The following IL1RAPL1 variants were observed in gnomAD, a reference collection of about 807,000 sequenced individuals.
The protein encoded by IL1RAPL1 is interleukin-1 receptor accessory protein-like 1.
IL1RAPL1 carries 3 observed loss-of-function variants against 48.4 expected under a neutral mutation model. The observed-to-expected ratio is 0.06, with a 90% CI of 0.03 to 0.16. The LOEUF (loss-of-function observed/expected upper bound fraction) is 0.16. IL1RAPL1 is among the 10% of genes least tolerant of loss of function. IL1RAPL1 has a pLI of 1.00. For missense variants in IL1RAPL1, 349 were observed against 530.6 expected, an observed-to-expected ratio of 0.66 and a Z score of 3.36; for synonymous variants, 185 against 187.7, an observed-to-expected ratio of 0.99 and a Z score of 0.12.
chrX:28,719,987 A>G (rs1485889736), intron 1 of IL1RAPL1, among the ~76,000 whole-genome samples: 1 of 110,925 alleles, frequency 9.0e-6, no homozygotes, highest in Non-Finnish European at 1.9e-5. Context: ...TAGTGACTAT[A>G]TTCTACTTGG....
chrX:28,895,635 C>T (rs766288775), intron 2 of IL1RAPL1, among the ~76,000 whole-genome samples: 2 of 110,832 alleles, frequency 1.8e-5, no homozygotes, highest in Non-Finnish European at 3.8e-5. Flanking sequence ...TAAGTTGGCA[C>T]CAGAGTTGGG....
chrX:29,844,281 T>C (rs1931198411), intron 6 of IL1RAPL1, among the ~76,000 whole-genome samples: 1 of 111,935 alleles, frequency 8.9e-6, no homozygotes, highest in Admixed American at 9.5e-5. Flanking sequence ...TAAATTAATA[T>C]TGGATATGTC....
At chrX:29,506,444 C>CCTCCTCCTT (rs1209290761) in intron 5 of IL1RAPL1, among the ~76,000 whole-genome samples, 1 of 106,618 alleles carries the variant, frequency 9.4e-6, no homozygotes, top group African/African-American at 3.5e-5. Flanking sequence ...TCCTTCTCCT[C>CCTCCTCCTT]CTCCTCCTCC....
At chrX:29,954,235 C>CAAAAAAAAAAAAAAAAAAA in intron 9 of IL1RAPL1, among the ~76,000 whole-genome samples, 1 of 30,422 alleles carries the variant, frequency 3.3e-5, no homozygotes, top group Non-Finnish European at 5.3e-5. Flanking sequence ...GACTGTGTCC[C>CAAAAAAAAAAAAAAAAAAA]AAAAAAAAAA....
At chrX:28,986,307 G>A (rs762442752) in intron 2 of IL1RAPL1, among the ~76,000 whole-genome samples, 4 of 111,890 alleles carry the variant, frequency 3.6e-5, no homozygotes, top group Non-Finnish European at 7.5e-5. Context: ...TTCCCATTAA[G>A]AATTTATTTA....
intron 6 of IL1RAPL1, among the ~76,000 whole-genome samples, chrX:29,868,102 T>C (rs919900137): frequency 4.5e-5 from 5 of 112,235 alleles, no homozygotes; most frequent in African/African-American, 1.6e-4. Context: ...AGTGACCTAC[T>C]GTTTTTCTTT....
At chrX:29,925,096 T>C (rs954798288) in intron 8 of IL1RAPL1, among the ~76,000 whole-genome samples, 45 of 111,436 alleles carry the variant, frequency 4.0e-4, no homozygotes, top group Admixed American at 3.6e-3. Context: ...TGCAAACTTC[T>C]TTTGGGGCTG....
intron 1 of IL1RAPL1, among the ~76,000 whole-genome samples, chrX:28,781,640 A>G (rs1234564870): frequency 9.0e-6 from 1 of 110,773 alleles, no homozygotes; most frequent in Non-Finnish European, 1.9e-5. Flanking sequence ...GATATCTACC[A>G]TATTTATAGG....
chrX:29,620,056 G>A lies in IL1RAPL1; in HGVS notation c.704-48374G>A, dbSNP rs1430481280. Among the ~76,000 whole-genome samples, 5 of 111,497 alleles carry A rather than the reference G, an allele frequency of 4.5e-5. No individual in the cohort carries two copies. The Admixed American group carries it at 4.8e-4, about 11-fold the overall frequency. On this transcript the variant is annotated intron_variant, in intron 5 of 10. Coordinates refer to ENST00000378993, the MANE Select transcript of IL1RAPL1 (RefSeq NM_014271.4). ...GTGGAAGTTTTGAAACCCTATCTTT[G>A]TGGAACAACAAAAAATTAAATGTAA...
Position 28,789,361 on chromosome X carries a change from A to T in IL1RAPL1, c.18A>T (p.Pro6=). The T allele has an allele frequency of 8.3e-7, 1 of 1,209,773 alleles. No individual in the cohort carries two copies. The highest frequency in any genetic ancestry group is 1.1e-6 in the Non-Finnish European group (1 of 893,606). ...GCTGGAAGATGAAAGCTCCGATTCC[A>T]CACTTGATTCTCTTATACGCTACTT... MKAPI[P]HLILLYATFT... is the part of the protein sequence containing the mutation. Residue 6 remains proline (P), a synonymous_variant, in exon 2 of 11, where the codon CCA becomes CCT. Transcript: ENST00000378993.
At chrX:29,812,407 T>A (rs1157226904) in intron 6 of IL1RAPL1, among the ~76,000 whole-genome samples, 1 of 111,855 alleles carries the variant, frequency 8.9e-6, no homozygotes, top group Non-Finnish European at 1.9e-5. Flanking sequence ...TCCCAAATAA[T>A]TTTCCTTTTA....
At chrX:28,651,214 G>C (rs763460801) in intron 1 of IL1RAPL1, among the ~76,000 whole-genome samples, 12 of 112,157 alleles carry the variant, frequency 1.1e-4, no homozygotes, top group Non-Finnish European at 1.1e-4. Flanking sequence ...GAATAAATCA[G>C]AAATTTGAAA....
chrX:29,532,636 G>C (rs1238884108), intron 5 of IL1RAPL1, among the ~76,000 whole-genome samples: 1 of 111,859 alleles, frequency 8.9e-6, no homozygotes, highest in Non-Finnish European at 1.9e-5. Context: ...GATTGACACT[G>C]ATCCAACAAT....
intron 2 of IL1RAPL1, among the ~76,000 whole-genome samples, chrX:28,987,554 A>G (rs1295067252): frequency 1.8e-5 from 2 of 111,636 alleles, no homozygotes; most frequent in African/African-American, 6.5e-5. Flanking sequence ...CTTTACTTGA[A>G]CTATCTTGTT....
intron 5 of IL1RAPL1, among the ~76,000 whole-genome samples, chrX:29,575,755 G>A (rs2147800853): frequency 8.9e-6 from 1 of 112,131 alleles, no homozygotes. Flanking sequence ...GAATGACGTT[G>A]GCCTGTACCT....
At chrX:29,028,486 C>G (rs988564862) in intron 2 of IL1RAPL1, among the ~76,000 whole-genome samples, 53 of 109,472 alleles carry the variant, frequency 4.8e-4, no homozygotes, top group African/African-American at 1.6e-3. Context: ...CGGGGTTTCA[C>G]CATGTTGGCC....
At chrX:29,122,920 G>C (rs1007700078) in intron 2 of IL1RAPL1, among the ~76,000 whole-genome samples, 4 of 111,785 alleles carry the variant, frequency 3.6e-5, no homozygotes, top group Admixed American at 2.9e-4. Context: ...ATGTAAAATA[G>C]AAGAATAGGC....
At chrX:29,768,442 TGATA>T (rs1420606954) in intron 6 of IL1RAPL1, among the ~76,000 whole-genome samples, 1 of 111,545 alleles carries the variant, frequency 9.0e-6, no homozygotes, top group Non-Finnish European at 1.9e-5. Context: ...ATTGATTGAC[TGATA>T]GATAGCACAC....
At chrX:29,348,845 C>CT (rs1933185542) in intron 3 of IL1RAPL1, among the ~76,000 whole-genome samples, 2 of 111,556 alleles carry the variant, frequency 1.8e-5, no homozygotes, top group African/African-American at 3.3e-5. Context: ...AGAGGGGAGA[C>CT]TTTGTAGCTC....
Sources: allele counts gnomAD v4.1 joint callset (sites outside exome capture counted in the v4.1 genomes callset), GRCh38; gene constraint gnomAD v4.1.1; transcripts MANE v1.5; gene names NCBI Gene and HGNC (gene_info 2026-07-23, HGNC 2026-07-21).